The following MARCO variants were observed in gnomAD, a reference collection of about 807,000 sequenced individuals.
MARCO encodes the protein macrophage receptor MARCO.
Under a neutral mutation model 70.0 loss-of-function variants are expected in MARCO, and 72 were observed. The ratio of observed to expected loss-of-function variants is 1.03; its 90% CI spans 0.85 to 1.25. MARCO has a LOEUF of 1.25. Among genes scored for constraint, MARCO ranks in the 50% most tolerant of loss-of-function variants. The pLI is 0.00. For missense variants in MARCO, 696 were observed against 659.3 expected (o/e 1.06, Z -0.61); for synonymous variants, 273 against 243.1 (o/e 1.12, Z -1.14).
intron 10 of MARCO, 120 bp downstream of exon 10, chr2:118,981,776 T>C (rs1431486534): frequency 3.8e-6 from 4 of 1,043,642 alleles, no homozygotes; most frequent in Admixed American, 2.1e-5. Context: ...ACACCTGGGG[T>C]TTTTTAGACA....
rs887856833 is a variant in MARCO at position 118,952,416 on chromosome 2, C to G, written c.97+10019C>G. Among the ~76,000 whole-genome samples the G allele has an allele frequency of 2.6e-5, 4 of 152,186 alleles. No individual in the cohort carries two copies. In the South Asian group the frequency reaches 8.3e-4, roughly 32 times the overall value. ...CAGGTATAAATCCCATGGCAGGATC[C>G]GCCCTAAGCCATATGAGGTAGCTAT... is the stretch of plus-strand genomic sequence containing the variant. On this transcript the variant is annotated intron_variant, in intron 1 of 16. Transcript: ENST00000327097.
intron 1 of MARCO, among the ~76,000 whole-genome samples, chr2:118,950,133 T>A (rs777477052): frequency 5.9e-5 from 9 of 152,220 alleles, no homozygotes; most frequent in Non-Finnish European, 8.8e-5. Flanking sequence ...GCTTCGTATA[T>A]GATTTTATAC....
At position 118,982,348 on chromosome 2, in the gene MARCO, G is replaced by A; in HGVS notation, c.1001G>A (p.Gly334Glu). ...GCTCTCTGTGGTGTCTGTTGTCCAGGACTTCCAGGGAGCCCCGGGAGTCCA... is the reference window on the plus strand; with the variant it reads ...GCTCTCTGTGGTGTCTGTTGTCCAGAACTTCCAGGGAGCCCCGGGAGTCCA... The part of the protein sequence containing the change: ...PGSAGSPGRA[G>E]LPGSPGSPGA... Residue 334 changes from glycine to glutamate, a missense_variant and splice_region_variant, in exon 12 of 17, where the codon GGA becomes GAA. This residue lies in a region of MARCO where 605 missense variants were observed against 537.6 expected (regional missense o/e 1.13). Transcript: ENST00000327097. 2 of 1,613,946 alleles carry A rather than the reference G, an allele frequency of 1.2e-6. No individual in the cohort carries two copies. Among genetic ancestry groups the A allele is most frequent in the Non-Finnish European group, 1.7e-6 (2 of 1,179,896 alleles).
intron 1 of MARCO, among the ~76,000 whole-genome samples, chr2:118,960,118 A>AAATAATAAT (rs10676998): frequency 4.2e-4 from 63 of 149,974 alleles, no homozygotes; most frequent in African/African-American, 1.4e-3. Context: ...AAATAAAATA[A>AAATAATAAT]AATAATAATA....
At chr2:118,993,334 A>G (rs746318022) in intron 16 of MARCO, 34 bp downstream of exon 16, 48 of 1,606,260 alleles carry the variant, frequency 3.0e-5, no homozygotes, top group Non-Finnish European at 4.1e-5. Flanking sequence ...CCTCTTCCCC[A>G]GAGGTGTGGA....
chr2:118,954,211 C>G (rs1288552611), intron 1 of MARCO, among the ~76,000 whole-genome samples: 1 of 152,204 alleles, frequency 6.6e-6, no homozygotes, highest in East Asian at 1.9e-4. Context: ...TGGAAACACA[C>G]TTGGGGCTGT....
chr2:118,977,801 C>A, intron 7 of MARCO, 27 bp from the exon 8 acceptor site: 1 of 1,557,974 alleles, frequency 6.4e-7, no homozygotes, highest in East Asian at 2.3e-5. Context: ...TAGTGGGAGC[C>A]CATCTCACCA....
intron 12 of MARCO, among the ~76,000 whole-genome samples, chr2:118,988,306 T>C (rs1377981892): frequency 6.6e-6 from 1 of 152,038 alleles, no homozygotes; most frequent in African/African-American, 2.4e-5. Flanking sequence ...AGAGGGTGTT[T>C]GCTGCTCGGT....
intron 8 of MARCO, 109 bp from the exon 9 acceptor site, chr2:118,981,300 C>A: frequency 1.4e-6 from 1 of 729,238 alleles, no homozygotes; most frequent in South Asian, 1.7e-5. Flanking sequence ...AGTAGGAGCT[C>A]AAGGAGTTTA....
rs202171758 is a variant in MARCO at position 118,982,365 on chromosome 2, G to A, written c.1018G>A (p.Gly340Arg). The change falls in exon 12 of 17, where the codon GGG becomes AGG. Residue 340 changes from glycine (G) to arginine (R), a missense_variant. By Grantham distance (125) the Gly-to-Arg change is moderately radical. Around this residue, in one of 3 missense-constraint regions of MARCO, gnomAD observed 605 missense variants for 537.6 expected, o/e 1.13. Coordinates refer to ENST00000327097, the MANE Select transcript of MARCO (RefSeq NM_006770.4). Reference protein sequence around the residue: ...PGRAGLPGSPGSPGATGLKGS... With the variant: ...PGRAGLPGSPRSPGATGLKGS... ...TTGTCCAGGACTTCCAGGGAGCCCC[G>A]GGAGTCCAGGAGCCACAGGCCTGAA... 9.9e-6 allele frequency: 16 copies of A among 1,613,940 alleles called. No individual in the cohort carries two copies. The highest frequency in any genetic ancestry group is 4.5e-5 in the East Asian group (2 of 44,864).
At chr2:118,990,561 C>T (rs779324698) in intron 12 of MARCO, 28 bp from the exon 13 acceptor site, 2 of 1,313,290 alleles carry the variant, frequency 1.5e-6, no homozygotes, top group Non-Finnish European at 2.1e-6. Flanking sequence ...TTATCTCCTC[C>T]CCCCCCCCTT....
At chr2:118,994,201 A>G (rs1680678099) in intron 16 of MARCO, among the ~76,000 whole-genome samples, 186 bp from the exon 17 acceptor site, 2 of 150,878 alleles carry the variant, frequency 1.3e-5, no homozygotes, top group Admixed American at 6.6e-5. Context: ...AAAAACAACA[A>G]CAACAACAAC....
At chr2:118,954,531 G>A (rs908609325) in intron 1 of MARCO, among the ~76,000 whole-genome samples, 2 of 152,082 alleles carry the variant, frequency 1.3e-5, no homozygotes, top group East Asian at 3.9e-4. Context: ...GGAGTTCTAG[G>A]GCCACACCCA....
rs757066247 is a variant in MARCO at position 118,993,165 on chromosome 2, C to T, written c.1294C>T (p.Arg432Ter). 38 of 1,614,062 alleles carry T rather than the reference C, an allele frequency of 2.4e-5. No individual in the cohort carries two copies. The highest frequency in any genetic ancestry group is 8.9e-5 in the East Asian group (4 of 44,892). The change falls in exon 16 of 17, where the codon CGA (arginine) becomes TGA (stop). Residue 432 changes from arginine to a stop codon, truncating the protein, a stop_gained. Transcript: ENST00000327097. LOFTEE classifies it high-confidence loss of function. ...CGTCAGGATTGTCGGCAGTAGTAAC[C>T]GAGGCCGGGCTGAAGTTTACTACAG... ...VSVRIVGSSN[R>*]GRAEVYYSGT...
chr2:118,985,643 T>C (rs906137587), intron 12 of MARCO, among the ~76,000 whole-genome samples: 3 of 152,222 alleles, frequency 2.0e-5, no homozygotes, highest in Non-Finnish European at 2.9e-5. Context: ...CTTTCAAAGA[T>C]TGCAGAAGAA....
At chr2:118,963,993 A>G (rs1353695465) in intron 1 of MARCO, among the ~76,000 whole-genome samples, 1 of 151,720 alleles carries the variant, frequency 6.6e-6, no homozygotes, top group African/African-American at 2.4e-5. Context: ...ATTTTGATTT[A>G]TTTATAGTGT....
chr2:118,949,293 C>T (rs1198344047), intron 1 of MARCO: 1 of 152,212 alleles, frequency 6.6e-6, no homozygotes, highest in African/African-American at 2.4e-5. Flanking sequence ...ACAAGAGTAG[C>T]AGTCACTTTT....
Position 118,990,568 on chromosome 2 carries a change from C to CCA in MARCO, c.1064-20_1064-19insAC, listed in dbSNP as rs1553417136. On this transcript the variant is annotated intron_variant, in intron 12 of 16. Transcript: ENST00000327097. ...AAGTTTTATTATCTCCTCCCCCCCC[C>CCA]CTTTTTTGTTTTGATCTTAGGACTT... 3 of 1,583,450 alleles carry CCA rather than the reference C, an allele frequency of 1.9e-6. No homozygotes were observed. In the African/African-American group the frequency reaches 4.0e-5, roughly 21 times the overall value.
In MARCO at chr2:118,977,416, A is replaced by C. The variant is rs972714731; in HGVS notation, c.614-55A>C. The C allele has an allele frequency of 3.6e-6, 5 of 1,402,144 alleles. No homozygotes were observed. In the African/African-American group the frequency reaches 5.7e-5, roughly 16 times the overall value. The allele number at this position is 1,402,144 out of a possible 1,614,324, so 86.9% of individuals were successfully genotyped here. ...AATCTAGAATGTCAGCTGATTAAAG[A>C]CATTTTAGACATTCTCAGGCCACAG... On this transcript the variant is annotated intron_variant, in intron 6 of 16. Coordinates refer to ENST00000327097, the MANE Select transcript of MARCO (RefSeq NM_006770.4).
Sources: gnomAD v4.1 joint callset for allele counts (sites outside exome capture counted in the v4.1 genomes callset) on GRCh38, gnomAD v4.1.1 for gene constraint, gnomAD v4.1.1 regional missense constraint, MANE v1.5 for transcripts, NCBI Gene and HGNC (gene_info 2026-07-23, HGNC 2026-07-21) for gene names.